Variants in QTGAL observed in about 807,000 individuals in gnomAD.
QTGAL encodes queuosine-tRNA galactosyltransferase, also known as BGnT-like protein 1.
chr17:83,022,120 C>A, the QTGAL span, among the ~76,000 whole-genome samples: 6 of 152,354 alleles, frequency 3.9e-5, no homozygotes, highest in South Asian at 4.1e-4. Context: ...AACTTTGGGG[C>A]AGACAAAGGT....
the QTGAL span, among the ~76,000 whole-genome samples, chr17:82,962,236 G>A: frequency 3.3e-5 from 5 of 152,188 alleles, no homozygotes; most frequent in African/African-American, 7.2e-5. Context: ...GACAGGCAGT[G>A]CTATGGTTCC....
the QTGAL span, chr17:82,980,975 T>C: frequency 6.6e-6 from 1 of 152,192 alleles, no homozygotes; most frequent in African/African-American, 2.4e-5. Context: ...AAATGCCTCA[T>C]TAACATAAAC....
the QTGAL span, among the ~76,000 whole-genome samples, chr17:82,952,806 A>AGGTTT: frequency 6.6e-6 from 1 of 152,250 alleles, no homozygotes; most frequent in Non-Finnish European, 1.5e-5. Flanking sequence ...TGGAAGTGAA[A>AGGTTT]CACTCCTCAG....
the QTGAL span, among the ~76,000 whole-genome samples, chr17:83,019,473 G>T: frequency 6.6e-6 from 1 of 152,178 alleles, no homozygotes; most frequent in South Asian, 2.1e-4. Flanking sequence ...GTCACAGGAG[G>T]TCCCTTAGCA....
At chr17:83,023,818 C>A in the QTGAL span, among the ~76,000 whole-genome samples, 2 of 152,198 alleles carry the variant, frequency 1.3e-5, no homozygotes, top group African/African-American at 2.4e-5. Context: ...GGAAACCCAA[C>A]CTTCATGGGT....
At chr17:82,965,881 A>G in the QTGAL span, 3 of 916,110 alleles carry the variant, frequency 3.3e-6, no homozygotes, top group East Asian at 5.3e-5. Context: ...TCAGGGCCTC[A>G]AGAGACTTCA....
the QTGAL span, chr17:83,006,125 G>A: frequency 9.7e-5 from 96 of 988,472 alleles, no homozygotes; most frequent in African/African-American, 1.4e-3. The surrounding 1 kb of genome is among the most constrained non-coding windows in gnomAD (Gnocchi z 5.8). Flanking sequence ...AAGTCCCAGC[G>A]GACGCAGCTG....
At chr17:82,965,588 CCACA>C in the QTGAL span, 1 of 1,454,654 alleles carries the variant, frequency 6.9e-7, no homozygotes, top group South Asian at 1.2e-5. Flanking sequence ...TGTGCAGAGC[CCACA>C]CACAGAGACA....
the QTGAL span, among the ~76,000 whole-genome samples, chr17:82,960,705 C>T: frequency 2.0e-5 from 3 of 152,216 alleles, no homozygotes; most frequent in Admixed American, 6.5e-5. Flanking sequence ...CTGCGCCCCC[C>T]AGGCCTGTGG....
At chr17:83,007,243 T>C in the QTGAL span, 52 of 985,288 alleles carry the variant, frequency 5.3e-5, no homozygotes, top group South Asian at 9.4e-5. Context: ...ATGCTAAAAA[T>C]AGTTGTGAAT....
At chr17:82,960,995 C>T in the QTGAL span, 1 of 1,552,584 alleles carries the variant, frequency 6.4e-7, no homozygotes, top group African/African-American at 1.3e-5. Flanking sequence ...CGGCCCCGAC[C>T]TCGGGCGCCT....
chr17:82,964,643 G>A, the QTGAL span, among the ~76,000 whole-genome samples: 57 of 141,576 alleles, frequency 4.0e-4, no homozygotes, highest in South Asian at 1.8e-3. Flanking sequence ...GGGAGGACGG[G>A]GACACGGACG....
the QTGAL span, among the ~76,000 whole-genome samples, chr17:83,043,314 T>G: frequency 2.6e-5 from 4 of 152,220 alleles, no homozygotes; most frequent in African/African-American, 9.7e-5. Context: ...TGCAATTATA[T>G]GAAGTATCTT....
the QTGAL span, among the ~76,000 whole-genome samples, chr17:82,976,891 G>A: frequency 7.2e-5 from 3 of 41,878 alleles, no homozygotes; most frequent in Admixed American, 2.5e-4. Context: ...TCAGGGCCCC[G>A]GGACAGAGCC....
At chr17:82,981,570 T>A in the QTGAL span, 2 of 152,232 alleles carry the variant, frequency 1.3e-5, no homozygotes, top group Admixed American at 1.3e-4. Flanking sequence ...AGCCAGTCAA[T>A]AGCTTATGTT....
the QTGAL span, among the ~76,000 whole-genome samples, chr17:83,009,001 G>A: frequency 6.6e-6 from 1 of 152,078 alleles, no homozygotes; most frequent in African/African-American, 2.4e-5. Flanking sequence ...TCACACAGAA[G>A]GAAACTCACA....
chr17:82,975,478 C>T, the QTGAL span, among the ~76,000 whole-genome samples: 1 of 31,722 alleles, frequency 3.2e-5, no homozygotes, highest in East Asian at 1.0e-3. Flanking sequence ...ACGAGGGCCC[C>T]GGGACAGAGC....
the QTGAL span, chr17:83,048,636 G>A: frequency 6.2e-7 from 1 of 1,606,150 alleles, no homozygotes; most frequent in Non-Finnish European, 8.5e-7. Context: ...CTTACACTGG[G>A]GCTGAGTCAC....
chr17:83,042,340 C>T, the QTGAL span, among the ~76,000 whole-genome samples: 2 of 152,218 alleles, frequency 1.3e-5, no homozygotes, highest in Non-Finnish European at 2.9e-5. Context: ...GCGCTCCAGC[C>T]TGGGTGATGG....
Sources: gnomAD v4.1 joint callset for allele counts (sites outside exome capture counted in the v4.1 genomes callset) on GRCh38, gnomAD v4.1.1 for gene constraint, Gnocchi (gnomAD v3.1) non-coding constraint, MANE v1.5 for transcripts, NCBI Gene and HGNC (gene_info 2026-07-23, HGNC 2026-07-21) for gene names.